The following CNIH3 variants were observed in gnomAD, a reference collection of about 807,000 sequenced individuals.
CNIH3 encodes protein cornichon homolog 3.
CNIH3 carries 14 observed loss-of-function variants against 24.1 expected under a neutral mutation model. The ratio of observed to expected loss-of-function variants is 0.58; its 90% CI spans 0.38 to 0.91. CNIH3 has a LOEUF of 0.91. CNIH3 is among the 40% of genes least tolerant of loss of function. CNIH3 has a pLI of 0.00. For synonymous variants in CNIH3, 68 were observed against 73.8 expected, an observed-to-expected ratio of 0.92 and a Z score of 0.40; for missense variants, 178 against 196.8, an observed-to-expected ratio of 0.90 and a Z score of 0.57.
intron 1 of CNIH3, among the ~76,000 whole-genome samples, chr1:224,519,674 G>T: frequency 6.7e-6 from 1 of 149,590 alleles, no homozygotes; most frequent in African/African-American, 2.4e-5. Flanking sequence ...GAAGTGGCAG[G>T]AAATATGTAT....
At chr1:224,687,122 G>A (rs747515052) in intron 3 of CNIH3, among the ~76,000 whole-genome samples, 4 of 152,236 alleles carry the variant, frequency 2.6e-5, no homozygotes, top group Non-Finnish European at 4.4e-5. Context: ...TGTTGTGGCT[G>A]CGTGATCACA....
upstream of CNIH3, among the ~76,000 whole-genome samples, chr1:224,612,346 G>A (rs1246264738): frequency 6.6e-6 from 1 of 152,104 alleles, no homozygotes; most frequent in African/African-American, 2.4e-5. The surrounding 1 kb of genome is among the most constrained non-coding windows in gnomAD (Gnocchi z 4.7). Context: ...TAATCTTGAG[G>A]AGGTGGCTGA....
chr1:224,705,367 C>A (rs768839536), intron 3 of CNIH3, among the ~76,000 whole-genome samples: 1 of 152,254 alleles, frequency 6.6e-6, no homozygotes, highest in African/African-American at 2.4e-5. Flanking sequence ...GGAAGCCGGG[C>A]GCTGGCCTGG....
intron 1 of CNIH3, among the ~76,000 whole-genome samples, chr1:224,448,667 G>A (rs924076578): frequency 7.2e-5 from 11 of 152,166 alleles, no homozygotes; most frequent in Admixed American, 2.0e-4. Context: ...GCAATCCCAC[G>A]TGTATCGTTA....
intron 1 of CNIH3, chr1:224,435,635 T>C (rs1175439686): frequency 6.6e-6 from 1 of 152,222 alleles, no homozygotes; most frequent in Non-Finnish European, 1.5e-5. Flanking sequence ...ATATGCATTC[T>C]GAGAAGGATT....
chr1:224,530,868 G>A (rs754812204), intron 2 of CNIH3, among the ~76,000 whole-genome samples: 1 of 152,142 alleles, frequency 6.6e-6, no homozygotes, highest in African/African-American at 2.4e-5. Context: ...AAAGTGCTAG[G>A]ATTATAGGCG....
chr1:224,484,473 C>T (rs1390180865), intron 1 of CNIH3, among the ~76,000 whole-genome samples: 3 of 151,960 alleles, frequency 2.0e-5, no homozygotes, highest in African/African-American at 7.2e-5. Context: ...GTTTTGAGCA[C>T]ATTGACTATG....
chr1:224,673,386 C>G (rs143672882), intron 1 of CNIH3, among the ~76,000 whole-genome samples: 7 of 152,300 alleles, frequency 4.6e-5, no homozygotes, highest in East Asian at 1.9e-4. Flanking sequence ...CTCCCCTCCC[C>G]CTGCTGTCTG....
At chr1:224,554,827 T>A (rs148602398) in intron 3 of CNIH3, among the ~76,000 whole-genome samples, 87 of 152,280 alleles carry the variant, frequency 5.7e-4, no homozygotes, top group African/African-American at 2.1e-3. Context: ...GCTCAAGTGA[T>A]CCTTCTGCCT....
Position 224,617,178 on chromosome 1 carries a change from G to A in CNIH3, c.4G>A (p.Ala2Thr). 6.2e-7 allele frequency: 1 copy of A among 1,614,098 alleles called. No homozygotes were observed. The highest frequency in any genetic ancestry group is 1.7e-5 in the Admixed American group (1 of 60,016). ...GTGGGATTGGGGTCCGCCGGCCATG[G>A]CCTTCACTTTCGCTGCGTTCTGCTA... MAFTFAAFCYML... is the reference protein window; with the variant it reads MTFTFAAFCYML... The change falls in exon 1 of 6, where the codon GCC becomes ACC. Residue 2 changes from alanine to threonine, a missense_variant. Physicochemically the swap from Ala to Thr is moderately conservative, Grantham distance 58. Coordinates refer to ENST00000272133, the MANE Select transcript of CNIH3 (RefSeq NM_152495.2).
chr1:224,441,936 T>G (rs910937037), intron 1 of CNIH3, among the ~76,000 whole-genome samples: 2 of 151,906 alleles, frequency 1.3e-5, no homozygotes, highest in Non-Finnish European at 2.9e-5. Context: ...CAATAACTCT[T>G]AGCTTCTTGT....
At chr1:224,582,909 A>G (rs1321906971) in intron 4 of CNIH3, among the ~76,000 whole-genome samples, 1 of 152,164 alleles carries the variant, frequency 6.6e-6, no homozygotes, top group Non-Finnish European at 1.5e-5. Context: ...CTTTCTCTCC[A>G]TGGTACTCGG....
intron 1 of CNIH3, among the ~76,000 whole-genome samples, chr1:224,457,092 A>G (rs1022190106): frequency 2.0e-4 from 30 of 152,188 alleles, no homozygotes; most frequent in African/African-American, 6.5e-4. Flanking sequence ...TGGAGGTCGA[A>G]TGTTTCTAGG....
intron 1 of CNIH3, among the ~76,000 whole-genome samples, chr1:224,671,143 T>C (rs939640243): frequency 1.3e-5 from 2 of 152,362 alleles, no homozygotes; most frequent in South Asian, 2.1e-4. Context: ...GCCTCCATCA[T>C]TGCATAAGCC....
downstream of CNIH3, among the ~76,000 whole-genome samples, chr1:224,540,990 G>A (rs960443294): frequency 6.6e-6 from 1 of 152,134 alleles, no homozygotes; most frequent in South Asian, 2.1e-4. Flanking sequence ...ATAAATGCAG[G>A]TGGGTACCCA....
At chr1:224,602,121 C>G (rs1682234285) in intron 3 of CNIH3, among the ~76,000 whole-genome samples, 1 of 152,192 alleles carries the variant, frequency 6.6e-6, no homozygotes, top group African/African-American at 2.4e-5. Flanking sequence ...TTATTAAATG[C>G]TTTTATGTGA....
intron 1 of CNIH3, among the ~76,000 whole-genome samples, chr1:224,504,056 A>G (rs562134035): frequency 5.2e-4 from 79 of 152,360 alleles, no homozygotes; most frequent in African/African-American, 1.7e-3. Flanking sequence ...CAGTTTCTTC[A>G]TCTGAAAAAT....
chr1:224,595,631 T>C (rs1412082425), intron 3 of CNIH3, among the ~76,000 whole-genome samples: 1 of 152,236 alleles, frequency 6.6e-6, no homozygotes, highest in East Asian at 1.9e-4. Context: ...TTTAGCTTAG[T>C]GAGGAAGGCA....
At chr1:224,672,081 C>A (rs1394181816) in intron 1 of CNIH3, among the ~76,000 whole-genome samples, 1 of 152,130 alleles carries the variant, frequency 6.6e-6, no homozygotes, top group Non-Finnish European at 1.5e-5. Context: ...TTTAACAGGA[C>A]CTTAGAAAGG....
Sources: allele counts gnomAD v4.1 joint callset (sites outside exome capture counted in the v4.1 genomes callset), GRCh38; gene constraint gnomAD v4.1.1; non-coding constraint Gnocchi (gnomAD v3.1); transcripts MANE v1.5; gene names NCBI Gene and HGNC (gene_info 2026-07-23, HGNC 2026-07-21).